MYO1F: variants seen among roughly 807,000 people sequenced by gnomAD.
MYO1F encodes unconventional myosin-If.
A neutral mutation model predicts 146.6 loss-of-function variants in MYO1F; 60 were observed. That is an observed-to-expected ratio of 0.41 (90% CI 0.33 to 0.51). The LOEUF is 0.51. Among genes scored for constraint, MYO1F ranks in the 20% least tolerant of loss-of-function variants. MYO1F has a pLI of 0.25. For missense variants in MYO1F, 1,274 were observed against 1,534.3 expected, an observed-to-expected ratio of 0.83 and a Z score of 2.83; for synonymous variants, 602 against 602.1, an observed-to-expected ratio of 1.00 and a Z score of 0.00.
chr19:8,550,449 GACAC>G, intron 9 of MYO1F, 93 bp from the exon 10 acceptor site: 1 of 1,595,470 alleles, frequency 6.3e-7, no homozygotes. Context: ...CTTGCCCAGT[GACAC>G]CCACATTTTT....
chr19:8,569,718 T>A (rs183755029), intron 1 of MYO1F, among the ~76,000 whole-genome samples: 1 of 152,052 alleles, frequency 6.6e-6, no homozygotes, highest in East Asian at 1.9e-4. Flanking sequence ...ACATGAACTT[T>A]CCAGGCAGCA....
intron 3 of MYO1F, 31 bp from the exon 4 acceptor site, chr19:8,554,602 G>C: frequency 6.2e-7 from 1 of 1,611,836 alleles, no homozygotes; most frequent in African/African-American, 1.3e-5. Context: ...TCAGCCCAGG[G>C]CTGGGGGCCA....
intron 1 of MYO1F, among the ~76,000 whole-genome samples, chr19:8,562,361 G>A (rs979272078): frequency 7.9e-5 from 12 of 151,970 alleles, no homozygotes; most frequent in Non-Finnish European, 1.6e-4. Flanking sequence ...AGGCTGGAGT[G>A]CACTGGTGCG....
At chr19:8,548,936 C>T (rs374647158) in intron 10 of MYO1F, among the ~76,000 whole-genome samples, 4 of 151,194 alleles carry the variant, frequency 2.6e-5, no homozygotes, top group African/African-American at 7.3e-5. Context: ...ATAGCAACTA[C>T]CTTATGGGGC....
At chr19:8,541,780 C>T (rs911666190) in intron 15 of MYO1F, 126 bp downstream of exon 15, 21 of 890,042 alleles carry the variant, frequency 2.4e-5, no homozygotes, top group Middle Eastern at 2.2e-4. Flanking sequence ...CCATCCTGGC[C>T]GCACAGCCAC....
chr19:8,531,324 G>T lies in MYO1F; in HGVS notation c.2044-751C>A, dbSNP rs143014041. The stretch of plus-strand genomic sequence containing the variant: ...ATTGTGCCATTGCACTCCAGCCTGG[G>T]CAACAAGAGCAAAACTTCATCTCAA... On this transcript the variant is annotated intron_variant, in intron 19 of 27. Transcript: ENST00000644032. Among the ~76,000 whole-genome samples the T allele has an allele frequency of 2.0e-3, 303 of 152,172 alleles. 1 individual carries two copies. The highest frequency in any genetic ancestry group is 7.0e-3 in the African/African-American group (290 of 41,528).
At position 8,541,910 on chromosome 19, in the gene MYO1F, C is replaced by T; in HGVS notation, c.1606G>A (p.Glu536Lys). ...SDLIELMQTS[E>K]QAFLRMLFPE... ...CCCATGCCTGGGACCACTCACTGCT[C>T]ACTGGTCTGCATCAGCTCTATGAGG... The change falls in exon 15 of 28, where the codon GAG becomes AAG. Residue 536 changes from glutamate to lysine, a missense_variant. Physicochemically the swap from Glu to Lys is moderately conservative, Grantham distance 56. Transcript: ENST00000644032. 6.2e-7 allele frequency: 1 copy of T among 1,613,306 alleles called. No individual in the cohort carries two copies. Among genetic ancestry groups the T allele is most frequent in the Non-Finnish European group, 8.5e-7 (1 of 1,179,724 alleles).
chr19:8,528,502 T>C (rs1972356646), intron 21 of MYO1F, among the ~76,000 whole-genome samples: 1 of 152,172 alleles, frequency 6.6e-6, no homozygotes, highest in Non-Finnish European at 1.5e-5. Flanking sequence ...CACTCCAGCC[T>C]GGGCGACATA....
intron 1 of MYO1F, among the ~76,000 whole-genome samples, chr19:8,571,710 G>C (rs1312812249): frequency 2.6e-5 from 4 of 152,198 alleles, no homozygotes; most frequent in Non-Finnish European, 5.9e-5. Flanking sequence ...CCATTCTTCT[G>C]CCTCAGCCTC....
chr19:8,550,510 A>G, intron 9 of MYO1F, 52 bp downstream of exon 9: 2 of 1,613,828 alleles, frequency 1.2e-6, no homozygotes, highest in South Asian at 2.2e-5. Flanking sequence ...AGGAGGACGC[A>G]GTTCACCCAC....
chr19:8,547,300 CAA>C (rs1196814670), intron 12 of MYO1F, among the ~76,000 whole-genome samples: 18 of 44,990 alleles, frequency 4.0e-4, no homozygotes, highest in Admixed American at 1.1e-3. Flanking sequence ...GTTCCTGTCT[CAA>C]AAAAAAAAAA....
chr19:8,540,712 C>A (rs114581850), intron 15 of MYO1F, among the ~76,000 whole-genome samples: 4,605 of 74,640 alleles, frequency 0.062, 75 homozygotes, highest in African/African-American at 0.12. Context: ...ACACTGTCTC[C>A]AAAAAAAAAA....
At chr19:8,574,652 TTC>T (rs1408143228) in intron 1 of MYO1F, among the ~76,000 whole-genome samples, 1 of 56,900 alleles carries the variant, frequency 1.8e-5, no homozygotes, top group Non-Finnish European at 4.0e-5. Context: ...TTTCCTTTCT[TTC>T]TCTTTCTTCT....
At chr19:8,526,661 T>A (rs1040472036) in intron 23 of MYO1F, 60 bp from the exon 24 acceptor site, 5 of 1,555,722 alleles carry the variant, frequency 3.2e-6, no homozygotes, top group Non-Finnish European at 4.3e-6. Flanking sequence ...CACCCAACTC[T>A]CGCTGGTTGG....
rs2042177667 is a variant in MYO1F, at chr19:8,574,577, T to TC, written c.3+2729_3+2730insG. 1.3e-4 allele frequency among the ~76,000 whole-genome samples: 10 copies of TC among 79,790 alleles called. No individual in the cohort carries two copies. The East Asian group carries it at 1.4e-3, about 11-fold the overall frequency. 52.3% of individuals were successfully genotyped at this position (79,790 alleles called of 152,430 possible). On this transcript the variant is annotated intron_variant, in intron 1 of 27. Transcript: ENST00000644032. ...TTTCTTTCTTTCTTTCTTTCTTTCT[T>TC]TCTCTCTCTCTCTCTCTCTCTTTCT... is the stretch of plus-strand genomic sequence containing the variant.
At chr19:8,570,164 C>T (rs1258887264) in intron 1 of MYO1F, among the ~76,000 whole-genome samples, 3 of 152,040 alleles carry the variant, frequency 2.0e-5, no homozygotes, top group Non-Finnish European at 4.4e-5. Context: ...CCTCTGCCTC[C>T]CAGGTTCAAG....
chr19:8,557,050 C>T (rs987645165), intron 1 of MYO1F, among the ~76,000 whole-genome samples: 2 of 151,970 alleles, frequency 1.3e-5, no homozygotes, highest in African/African-American at 4.8e-5. Flanking sequence ...CTTTGGGAGG[C>T]CGAGGCGGGA....
intron 12 of MYO1F, among the ~76,000 whole-genome samples, chr19:8,547,300 C>CAA (rs1196814670): frequency 0.019 from 827 of 44,572 alleles, 24 homozygotes; most frequent in Admixed American, 0.024. Flanking sequence ...GTTCCTGTCT[C>CAA]AAAAAAAAAA....
At chr19:8,533,243 C>G (rs112342819) in intron 19 of MYO1F, among the ~76,000 whole-genome samples, 2,663 of 151,884 alleles carry the variant, frequency 0.018, 33 homozygotes, top group African/African-American at 0.037. Flanking sequence ...TGTCCAGACT[C>G]GTCTGGAACT....
Sources: gnomAD v4.1 joint callset for allele counts (sites outside exome capture counted in the v4.1 genomes callset) on GRCh38, gnomAD v4.1.1 for gene constraint, MANE v1.5 for transcripts, NCBI Gene and HGNC (gene_info 2026-07-23, HGNC 2026-07-21) for gene names.